The following FOXP2 variants were observed in gnomAD, a reference collection of about 807,000 sequenced individuals.
FOXP2 encodes forkhead box P2.
In FOXP2, 12 loss-of-function variants were observed where a neutral mutation model predicts 115.8. That is an observed-to-expected ratio of 0.10 (90% CI 0.07 to 0.17). The LOEUF (loss-of-function observed/expected upper bound fraction) is 0.17. FOXP2 is among the 10% of genes least tolerant of loss of function. The pLI, the probability that FOXP2 is intolerant of heterozygous loss-of-function variation, is 1.00. For synonymous variants in FOXP2, 328 were observed against 297.7 expected, an observed-to-expected ratio of 1.10 and a Z score of -1.05; for missense variants, 629 against 843.5, an observed-to-expected ratio of 0.75 and a Z score of 3.15.
rs990961598 is a variant in FOXP2 at position 114,126,191 on chromosome 7, C to T, written c.-246-36753C>T. Among the ~76,000 whole-genome samples the T allele has an allele frequency of 2.1e-5, 3 of 141,040 alleles. No homozygotes were observed. The Admixed American group carries it at 2.2e-4, about 10-fold the overall frequency. The allele number at this position is 141,040 out of a possible 152,430, so 92.5% of individuals were successfully genotyped here. On this transcript the variant is annotated intron_variant, in intron 1 of 19. Transcript: ENST00000635638. ...TAGGGATATTCTATTCTAATTTGGG[C>T]TTCAGGAAAAAAATTATGGTGTAGA...
In FOXP2 at chr7:114,653,967, C is replaced by G. The variant is rs376460299; in HGVS notation, c.1224C>G (p.His408Gln). The G allele has an allele frequency of 6.2e-7, 1 of 1,613,366 alleles. No homozygotes were observed. The highest frequency in any genetic ancestry group is 8.5e-7 in the Non-Finnish European group (1 of 1,179,470). The change falls in exon 10 of 17, where the codon CAC becomes CAG. Residue 408 changes from histidine (H) to glutamine (Q), a missense_variant. Around this residue, in one of 9 missense-constraint regions of FOXP2, gnomAD observed 101 missense variants for 116.0 expected, o/e 0.87. Coordinates refer to ENST00000350908, the MANE Select transcript of FOXP2 (RefSeq NM_014491.4). Reference sequence around the variant, plus strand: ...AACGTCTTCAAGCAATGATGACCCACTTGCACATGCGACCCTCAGAGCCCA... The same window carrying G: ...AACGTCTTCAAGCAATGATGACCCAGTTGCACATGCGACCCTCAGAGCCCA... ...ERERLQAMMT[H>Q]LHMRPSEPKP...
At chr7:114,380,072 G>A (rs376355991) in intron 2 of FOXP2, among the ~76,000 whole-genome samples, 5 of 152,022 alleles carry the variant, frequency 3.3e-5, no homozygotes, top group African/African-American at 9.7e-5. Context: ...CCTGCCTTGC[G>A]GGTCATTTGG....
chr7:114,548,481 G>A (rs763445832), intron 3 of FOXP2, among the ~76,000 whole-genome samples: 1 of 152,184 alleles, frequency 6.6e-6, no homozygotes, highest in Non-Finnish European at 1.5e-5. Flanking sequence ...TGACTCATGG[G>A]ACCCTAGGGA....
At chr7:114,482,866 A>C (rs940033149) in intron 2 of FOXP2, among the ~76,000 whole-genome samples, 2 of 151,670 alleles carry the variant, frequency 1.3e-5, no homozygotes, top group Admixed American at 6.6e-5. Context: ...ACATTTAATA[A>C]TTGTAAACTT....
chr7:114,588,765 A>G (rs919164467), intron 3 of FOXP2, among the ~76,000 whole-genome samples: 2 of 152,190 alleles, frequency 1.3e-5, no homozygotes, highest in African/African-American at 4.8e-5. Flanking sequence ...TCCATACACA[A>G]ACCCTTAAAA....
At chr7:114,543,352 T>C (rs1799773356) in intron 3 of FOXP2, among the ~76,000 whole-genome samples, 1 of 152,146 alleles carries the variant, frequency 6.6e-6, no homozygotes, top group Non-Finnish European at 1.5e-5. Flanking sequence ...TGTATACCCA[T>C]AGATCTTCAT....
chr7:114,652,355 C>T, intron 9 of FOXP2, 65 bp downstream of exon 9: 6 of 1,435,940 alleles, frequency 4.2e-6, no homozygotes, highest in African/African-American at 2.8e-5. Context: ...GAGTACTGAG[C>T]AGATTCTGGG....
chr7:114,270,462 T>C (rs1456061398), intron 1 of FOXP2, among the ~76,000 whole-genome samples: 1 of 152,178 alleles, frequency 6.6e-6, no homozygotes, highest in Non-Finnish European at 1.5e-5. Context: ...TTTCTGTTGC[T>C]CCACATCCTT....
chr7:114,355,306 T>G (rs1186970613), intron 2 of FOXP2, among the ~76,000 whole-genome samples: 1 of 152,166 alleles, frequency 6.6e-6, no homozygotes, highest in Non-Finnish European at 1.5e-5. Context: ...GAGATCAAAC[T>G]TGGCTCTCAC....
At chr7:114,373,280 A>G (rs1039829247) in intron 2 of FOXP2, among the ~76,000 whole-genome samples, 7 of 152,178 alleles carry the variant, frequency 4.6e-5, no homozygotes, top group Non-Finnish European at 8.8e-5. Context: ...TCGGCCTCCC[A>G]AAGTGCTGGG....
chr7:114,333,638 G>A lies in FOXP2; in HGVS notation c.-11+45529G>A, dbSNP rs372259299. Among the ~76,000 whole-genome samples the A allele has an allele frequency of 4.8e-4, 73 of 152,216 alleles. No individual in the cohort carries two copies. In the East Asian group the frequency reaches 6.0e-3, roughly 13 times the overall value. ...CATGGTGGCACATGCCTAGAGTGCA[G>A]CACGTTGGAAGGCTAAGGTGGGCAG... On this transcript the variant is annotated intron_variant, in intron 2 of 17. Coordinates refer to the FOXP2 transcript ENST00000634411.
chr7:114,432,618 T>C (rs1794164295), intron 2 of FOXP2, among the ~76,000 whole-genome samples: 1 of 151,930 alleles, frequency 6.6e-6, no homozygotes, highest in South Asian at 2.1e-4. Flanking sequence ...TATGTATTGA[T>C]TTAGAAATGG....
intron 1 of FOXP2, among the ~76,000 whole-genome samples, chr7:114,152,431 G>A (rs1426390696): frequency 3.3e-5 from 5 of 152,160 alleles, no homozygotes; most frequent in Admixed American, 2.0e-4. Flanking sequence ...TTGCCCATCA[G>A]AGCACCAATA....
intron 2 of FOXP2, among the ~76,000 whole-genome samples, chr7:114,346,221 A>G (rs2129184989): frequency 6.6e-6 from 1 of 151,938 alleles, no homozygotes; most frequent in African/African-American, 2.4e-5. Context: ...AATAAATACA[A>G]TTTTAGAATA....
At chr7:114,341,453 A>G (rs1024348296) in intron 2 of FOXP2, among the ~76,000 whole-genome samples, 6 of 151,412 alleles carry the variant, frequency 4.0e-5, no homozygotes, top group African/African-American at 1.5e-4. Context: ...AAGACAAGAC[A>G]GATAAATTGA....
chr7:114,363,021 A>C (rs183511273), intron 2 of FOXP2, among the ~76,000 whole-genome samples: 2 of 152,200 alleles, frequency 1.3e-5, no homozygotes, highest in East Asian at 3.9e-4. Context: ...AGATGTGACT[A>C]TCTAATTTAA....
At chr7:114,579,326 A>G (rs1468511995) in intron 3 of FOXP2, among the ~76,000 whole-genome samples, 2 of 152,206 alleles carry the variant, frequency 1.3e-5, no homozygotes, top group Non-Finnish European at 2.9e-5. Flanking sequence ...TAAAATTTTT[A>G]TCCCATAAAA....
In FOXP2 at chr7:114,690,489, T is replaced by TG. The variant is rs1323076735; in HGVS notation, c.*564dup. On this transcript the variant is annotated 3_prime_UTR_variant, in exon 17 of 17. Transcript: ENST00000350908. ...TAAACAACAGAACATTAGTTTTTTA[T>TG]GTTGGTGCCACCAACTGTAAATGAC... 2.2e-6 allele frequency: 1 copy of TG among 453,928 alleles called. No homozygotes were observed. The highest frequency in any genetic ancestry group is 2.0e-5 in the African/African-American group (1 of 49,996). The allele number at this position is 453,928 out of a possible 1,614,324, so 28.1% of individuals were successfully genotyped here.
At chr7:114,358,255 T>C (rs1365575297) in intron 2 of FOXP2, among the ~76,000 whole-genome samples, 1 of 152,194 alleles carries the variant, frequency 6.6e-6, no homozygotes, top group African/African-American at 2.4e-5. Flanking sequence ...TCCACCATGA[T>C]TGTGAGGCCT....
Sources: allele counts gnomAD v4.1 joint callset (sites outside exome capture counted in the v4.1 genomes callset), GRCh38; gene constraint gnomAD v4.1.1; regional missense constraint gnomAD v4.1.1; transcripts MANE v1.5; gene names NCBI Gene and HGNC (gene_info 2026-07-23, HGNC 2026-07-21).